Variants in ZFYVE16 observed in about 807,000 individuals in gnomAD.
ZFYVE16 encodes zinc finger FYVE domain-containing protein 16.
A neutral mutation model predicts 138.1 loss-of-function variants in ZFYVE16; 89 were observed. That is an observed-to-expected ratio of 0.64 (90% confidence interval 0.54 to 0.77). The LOEUF (loss-of-function observed/expected upper bound fraction) is 0.77, where lower values mean the gene tolerates loss of function less well. ZFYVE16 is among the 30% of genes least tolerant of loss of function. The pLI is 0.00. For synonymous variants in ZFYVE16, 596 were observed against 618.3 expected, an observed-to-expected ratio of 0.96 and a Z score of 0.53; for missense variants, 1,793 against 1,786.7, an observed-to-expected ratio of 1.00 and a Z score of -0.06.
intron 18 of ZFYVE16, 49 bp from the exon 19 acceptor site, chr5:80,477,170 G>A (rs746135251): frequency 3.4e-6 from 5 of 1,466,702 alleles, no homozygotes; most frequent in Non-Finnish European, 4.6e-6. Context: ...CACATTCCGA[G>A]TTAAACAAGA....
chr5:80,477,410 T>C lies in ZFYVE16; in HGVS notation c.*33T>C, dbSNP rs1244047132. On this transcript the variant is annotated 3_prime_UTR_variant, in exon 19 of 19. Transcript: ENST00000505560. Reference sequence around the variant, plus strand: ...ATGTGCCATATTACATATTGCAACCTAATTTGTTAAAACTAACTCCAGCAC... The same window carrying C: ...ATGTGCCATATTACATATTGCAACCCAATTTGTTAAAACTAACTCCAGCAC... 1 of 1,579,070 alleles carries C rather than the reference T, an allele frequency of 6.3e-7. No individual in the cohort carries two copies.
chr5:80,448,342 T>G lies in ZFYVE16; in HGVS notation c.3041T>G (p.Leu1014Arg). The G allele has an allele frequency of 1.2e-6, 2 of 1,605,516 alleles. No individual in the cohort carries two copies. Among genetic ancestry groups the G allele is most frequent in the African/African-American group, 1.3e-5 (1 of 74,998 alleles). The change falls in exon 8 of 19, where the codon CTT becomes CGT. Residue 1014 changes from leucine (L) to arginine (R), a missense_variant. By Grantham distance (102) the Leu-to-Arg change is moderately radical. This residue lies in a region of ZFYVE16 where 1,295 missense variants were observed against 1,204.3 expected (regional missense o/e 1.08). Transcript: ENST00000505560. ...INKYVCNKIS[L>R]LPNDEDSLPP... ...AAGTATGTCTGCAATAAGATTAGTC[T>G]TCTACCTAATGATGAGGACAGTTTG...
At chr5:80,407,636 G>T (rs1744802230), upstream of ZFYVE16, among the ~76,000 whole-genome samples, 2 of 152,234 alleles carry the variant, frequency 1.3e-5, no homozygotes, top group Admixed American at 6.5e-5. Flanking sequence ...CAGCAGCGCG[G>T]AGAGCAGGCC....
intron 7 of ZFYVE16, 79 bp downstream of exon 7, chr5:80,445,484 G>GT (rs1751219656): frequency 4.3e-6 from 5 of 1,175,458 alleles, no homozygotes; most frequent in East Asian, 2.7e-5. Flanking sequence ...TTATTAGAGT[G>GT]CTTTTTTTTT....
chr5:80,436,903 A>T lies in ZFYVE16; in HGVS notation c.218A>T (p.Tyr73Phe). 1 of 1,614,192 alleles carries T rather than the reference A, an allele frequency of 6.2e-7. No individual in the cohort carries two copies. The highest frequency in any genetic ancestry group is 8.5e-7 in the Non-Finnish European group (1 of 1,180,028). The change falls in exon 4 of 19, where the codon TAT (tyrosine) becomes TTT (phenylalanine). Residue 73 changes from tyrosine (Y) to phenylalanine (F), a missense_variant. Transcript: ENST00000505560. ...VNSCASSETS[Y>F]GTNESSLNEK... ...AGTTGTGCCTCATCAGAAACAAGCT[A>T]TGGAACAAATGAGAGTTCCCTGAAT... is the stretch of plus-strand genomic sequence containing the variant.
chr5:80,418,954 T>A (rs1165763790), intron 1 of ZFYVE16, among the ~76,000 whole-genome samples: 1 of 152,150 alleles, frequency 6.6e-6, no homozygotes, highest in African/African-American at 2.4e-5. Flanking sequence ...AATGTCTGTG[T>A]CTAGGTTCAT....
intron 14 of ZFYVE16, among the ~76,000 whole-genome samples, chr5:80,457,826 A>C (rs1421122737): frequency 6.6e-6 from 1 of 151,386 alleles, no homozygotes; most frequent in Non-Finnish European, 1.5e-5. Context: ...AAGAATTGAG[A>C]CCATACTGGC....
chr5:80,441,994 T>C (rs1750760773), intron 5 of ZFYVE16: 1 of 877,256 alleles, frequency 1.1e-6, no homozygotes, highest in Non-Finnish European at 1.4e-6. Flanking sequence ...AATTTATGAA[T>C]GTATGTAGAG....
chr5:80,407,780 G>T (rs911352078), upstream of ZFYVE16, among the ~76,000 whole-genome samples: 1 of 152,200 alleles, frequency 6.6e-6, no homozygotes, highest in South Asian at 2.1e-4. Flanking sequence ...ACACTGACGC[G>T]AGTGGCCTCC....
chr5:80,463,147 G>A (rs1318196171), intron 15 of ZFYVE16, among the ~76,000 whole-genome samples: 1 of 152,230 alleles, frequency 6.6e-6, no homozygotes, highest in African/African-American at 2.4e-5. Flanking sequence ...CAGTGCCCCA[G>A]TGGGGACTCT....
intron 3 of ZFYVE16, chr5:80,435,655 A>G (rs1358871962): frequency 2.7e-6 from 1 of 369,268 alleles, no homozygotes; most frequent in Non-Finnish European, 5.4e-6. Context: ...TGCAGCCTTG[A>G]ATTCCTGCCC....
chr5:80,466,106 A>G (rs1230832550), intron 15 of ZFYVE16, among the ~76,000 whole-genome samples: 1 of 150,958 alleles, frequency 6.6e-6, no homozygotes. Context: ...TTGTACTTTT[A>G]GTAGAGACAG....
chr5:80,458,085 T>A (rs909431246), intron 14 of ZFYVE16, among the ~76,000 whole-genome samples: 3 of 150,366 alleles, frequency 2.0e-5, no homozygotes, highest in Non-Finnish European at 4.4e-5. Flanking sequence ...CAAGATATGG[T>A]CACTATTGAC....
intron 15 of ZFYVE16, among the ~76,000 whole-genome samples, chr5:80,464,391 C>T (rs564831574): frequency 6.6e-6 from 1 of 152,192 alleles, no homozygotes; most frequent in Non-Finnish European, 1.5e-5. Context: ...TCAGATCTTG[C>T]AAGAACTGTC....
rs927692479 is a variant in ZFYVE16, at chr5:80,408,167, G to A, written c.-94+14G>A. Reference sequence around the variant, plus strand: ...GGCTGTAGGGAGGTAAGAGCCCCCCGTGACCGGTCGTCTCGGCCTCCCCTC... The same window carrying A: ...GGCTGTAGGGAGGTAAGAGCCCCCCATGACCGGTCGTCTCGGCCTCCCCTC... On this transcript the variant is annotated intron_variant, in intron 1 of 18. Transcript: ENST00000505560. The A allele has an allele frequency of 4.6e-5, 7 of 152,430 alleles. No individual in the cohort carries two copies. The highest frequency in any genetic ancestry group is 1.2e-4 in the African/African-American group (5 of 41,584). The allele number at this position is 152,430 out of a possible 1,614,324, so 9.4% of individuals were successfully genotyped here.
chr5:80,428,330 A>C (rs1748451601), intron 2 of ZFYVE16, among the ~76,000 whole-genome samples: 1 of 152,212 alleles, frequency 6.6e-6, no homozygotes, highest in South Asian at 2.1e-4. Context: ...TCCGCTGCTG[A>C]AACCCAGGTA....
intron 1 of ZFYVE16, among the ~76,000 whole-genome samples, chr5:80,421,794 A>G (rs1017446549): frequency 7.2e-5 from 11 of 152,106 alleles, no homozygotes; most frequent in African/African-American, 2.7e-4. Context: ...TTTTGGTTCC[A>G]TATGAACTTT....
chr5:80,411,227 C>T (rs1443893236), intron 1 of ZFYVE16, among the ~76,000 whole-genome samples: 6 of 150,596 alleles, frequency 4.0e-5, no homozygotes, highest in African/African-American at 1.5e-4. Context: ...TGTGATCTGC[C>T]CACCTCAGCC....
intron 8 of ZFYVE16, among the ~76,000 whole-genome samples, chr5:80,448,875 T>C (rs1334939575): frequency 2.0e-5 from 3 of 152,048 alleles, no homozygotes; most frequent in African/African-American, 7.2e-5. Flanking sequence ...ATTTCTAAGG[T>C]CCTTTTCAAG....
Sources: gnomAD v4.1 joint callset for allele counts (sites outside exome capture counted in the v4.1 genomes callset) on GRCh38, gnomAD v4.1.1 for gene constraint, gnomAD v4.1.1 regional missense constraint, MANE v1.5 for transcripts, NCBI Gene and HGNC (gene_info 2026-07-23, HGNC 2026-07-21) for gene names.